TMEM182: variants seen among roughly 807,000 people sequenced by gnomAD.
TMEM182 encodes transmembrane protein 182.
Under a neutral mutation model 26.8 loss-of-function variants are expected in TMEM182, and 20 were observed. The ratio of observed to expected loss-of-function variants is 0.75; its 90% CI spans 0.53 to 1.09. The LOEUF is 1.09. Ranked by LOEUF, TMEM182 falls within the 50% of genes least tolerant of loss-of-function variation. The pLI, the probability that TMEM182 is intolerant of heterozygous loss-of-function variation, is 0.00. For missense variants in TMEM182, 277 were observed against 275.5 expected, an observed-to-expected ratio of 1.01 and a Z score of -0.04; for synonymous variants, 109 against 102.2, an observed-to-expected ratio of 1.07 and a Z score of -0.40.
intron 3 of TMEM182, among the ~76,000 whole-genome samples, chr2:102,828,108 T>TA (rs1292905115): frequency 1.3e-5 from 2 of 152,112 alleles, no homozygotes; most frequent in Middle Eastern, 3.4e-3. Flanking sequence ...AATATATAAA[T>TA]AAATAAAAAG....
intron 3 of TMEM182, among the ~76,000 whole-genome samples, chr2:102,778,068 T>C (rs1264337232): frequency 6.6e-6 from 1 of 152,080 alleles, no homozygotes; most frequent in South Asian, 2.1e-4. Flanking sequence ...TTTCTAGTTT[T>C]CTGTGTAGTT....
At position 102,824,084 on chromosome 2, in the gene TMEM182, T is replaced by C. The variant is rs77797741; in HGVS notation, c.326-19328T>C. On this transcript the variant is annotated intron_variant, in intron 3 of 3. Transcript: ENST00000486293. ...GGGCTCCATTTGGACTCTAAACAAT[T>C]CCTGTATTGAATTTTTTATTAATAA... Among the ~76,000 whole-genome samples, 5 of 152,124 alleles carry C rather than the reference T, an allele frequency of 3.3e-5. No individual in the cohort carries two copies. In the East Asian group the frequency reaches 9.6e-4, roughly 29 times the overall value.
intron 3 of TMEM182, among the ~76,000 whole-genome samples, chr2:102,827,076 A>G (rs531006527): frequency 6.6e-6 from 1 of 152,294 alleles, no homozygotes; most frequent in Admixed American, 6.5e-5. Flanking sequence ...TCATCACAGC[A>G]CGTAGCATGC....
intron 1 of TMEM182, among the ~76,000 whole-genome samples, chr2:102,756,676 TC>T (rs554759873): frequency 1.4e-3 from 213 of 152,072 alleles, no homozygotes; most frequent in African/African-American, 4.8e-3. Context: ...GCCACTGCAC[TC>T]TAGTCTGGGC....
chr2:102,824,930 A>G (rs1683004417), intron 3 of TMEM182, among the ~76,000 whole-genome samples: 1 of 152,250 alleles, frequency 6.6e-6, no homozygotes, highest in African/African-American at 2.4e-5. Context: ...GTGCAGCATG[A>G]GGAACTGTGA....
At chr2:102,840,764 G>C (rs751015461) in intron 3 of TMEM182, among the ~76,000 whole-genome samples, 1 of 152,156 alleles carries the variant, frequency 6.6e-6, no homozygotes, top group Non-Finnish European at 1.5e-5. Flanking sequence ...GGCATTCTCT[G>C]TTGGTAATCC....
intron 3 of TMEM182, chr2:102,834,293 GA>G (rs761763132): frequency 5.4e-5 from 42 of 772,882 alleles, no homozygotes; most frequent in Non-Finnish European, 6.0e-5. Context: ...TCTCTGTAAA[GA>G]AAAAAACCCT....
At position 102,814,853 on chromosome 2, in the gene TMEM182, C is replaced by T. The variant is rs750337576; in HGVS notation, c.575C>T (p.Thr192Ile). ...AAAATGAAGGACTGCCTGGATTTCA[C>T]CCCTTCTGTTCTGTATGGCTGGTCA... Reference protein sequence around the residue: ...NMKMKDCLDFTPSVLYGWSFF... With the variant: ...NMKMKDCLDFIPSVLYGWSFF... Residue 192 changes from threonine to isoleucine, a missense_variant, in exon 5 of 5, where the codon ACC becomes ATC. Physicochemically the swap from Thr to Ile is moderately conservative, Grantham distance 89. Transcript: ENST00000412401. The T allele has an allele frequency of 1.1e-5, 18 of 1,613,772 alleles. No homozygotes were observed. The South Asian group carries it at 2.0e-4, about 18-fold the overall frequency.
At chr2:102,790,764 G>A (rs2104714334) in intron 3 of TMEM182, among the ~76,000 whole-genome samples, 1 of 152,168 alleles carries the variant, frequency 6.6e-6, no homozygotes, top group East Asian at 1.9e-4. Flanking sequence ...TTTGACCTAT[G>A]CTTGAATCTG....
chr2:102,797,982 G>T lies in TMEM182; in HGVS notation c.451G>T (p.Gly151Cys). Residue 151 changes from glycine to cysteine, a missense_variant, in exon 4 of 5, where the codon GGC becomes TGC. Transcript: ENST00000412401. ...CCATTTTCTCTACAAAGCTGGGGGA[G>T]GCTCATATATTGCTGCAGGTACGTA... ...ASHFLYKAGG[G>C]SYIAAGILFS... The T allele has an allele frequency of 6.2e-7, 1 of 1,613,936 alleles. No individual in the cohort carries two copies. Among genetic ancestry groups the T allele is most frequent in the Non-Finnish European group, 8.5e-7 (1 of 1,179,980 alleles).
chr2:102,813,311 C>T (rs753957316), intron 4 of TMEM182, among the ~76,000 whole-genome samples: 6 of 152,168 alleles, frequency 3.9e-5, no homozygotes, highest in African/African-American at 7.2e-5. Flanking sequence ...CCACAATTAA[C>T]GTGAGAAATG....
intron 3 of TMEM182, among the ~76,000 whole-genome samples, chr2:102,838,781 A>C (rs1573583476): frequency 6.6e-6 from 1 of 152,218 alleles, no homozygotes; most frequent in African/African-American, 2.4e-5. Context: ...GTTTGAGTCC[A>C]TAAAGTCTCA....
chr2:102,739,740 A>G (rs1489701166), intron 1 of TMEM182, among the ~76,000 whole-genome samples: 2 of 152,170 alleles, frequency 1.3e-5, no homozygotes, highest in Non-Finnish European at 2.9e-5. Flanking sequence ...ACTGTGAGCC[A>G]ATTAAACCTC....
chr2:102,828,816 A>T (rs1200672965), intron 3 of TMEM182, among the ~76,000 whole-genome samples: 2 of 152,178 alleles, frequency 1.3e-5, no homozygotes, highest in Non-Finnish European at 2.9e-5. Flanking sequence ...GGTCACTTTT[A>T]TTGATGCCTT....
intron 1 of TMEM182, among the ~76,000 whole-genome samples, chr2:102,751,875 C>T (rs570995723): frequency 2.6e-5 from 4 of 152,054 alleles, no homozygotes; most frequent in Non-Finnish European, 5.9e-5. Context: ...ATTATCTTGC[C>T]CAAGCTGGTC....
chr2:102,834,146 C>T (rs760911140), intron 3 of TMEM182, among the ~76,000 whole-genome samples: 25 of 152,290 alleles, frequency 1.6e-4, no homozygotes, highest in Admixed American at 6.5e-4. Context: ...CCCTGCTCTA[C>T]GAAGTGTGAC....
chr2:102,806,795 A>G (rs1394640007), intron 4 of TMEM182, among the ~76,000 whole-genome samples: 2 of 152,076 alleles, frequency 1.3e-5, no homozygotes, highest in African/African-American at 4.8e-5. Context: ...GATCCTCTCT[A>G]TTTTACCAAT....
chr2:102,782,652 G>T (rs1254669253), intron 3 of TMEM182, among the ~76,000 whole-genome samples: 1 of 152,076 alleles, frequency 6.6e-6, no homozygotes, highest in Non-Finnish European at 1.5e-5. Flanking sequence ...TCGGCGAGCT[G>T]CCTCCATTTC....
intron 3 of TMEM182, among the ~76,000 whole-genome samples, chr2:102,784,350 T>G (rs898203235): frequency 5.7e-5 from 8 of 139,364 alleles, no homozygotes; most frequent in African/African-American, 1.0e-4. Context: ...GTATGTGTTT[T>G]TCTACCTTTT....
Sources: allele counts gnomAD v4.1 joint callset (sites outside exome capture counted in the v4.1 genomes callset), GRCh38; gene constraint gnomAD v4.1.1; transcripts MANE v1.5; gene names NCBI Gene and HGNC (gene_info 2026-07-23, HGNC 2026-07-21).